The following COL6A5 variants were observed in gnomAD, a reference collection of about 807,000 sequenced individuals.
The protein encoded by COL6A5 is collagen type VI alpha 5 chain.
Under a neutral mutation model 65.6 loss-of-function variants are expected in COL6A5, and 48 were observed. That is an observed-to-expected ratio of 0.73 (90% confidence interval 0.58 to 0.93). COL6A5 has a LOEUF of 0.93. Among genes scored for constraint, COL6A5 ranks in the 40% least tolerant of loss-of-function variants. The pLI, the probability that COL6A5 is intolerant of heterozygous loss-of-function variation, is 0.00. For missense variants in COL6A5, 914 were observed against 928.3 expected, an observed-to-expected ratio of 0.98 and a Z score of 0.20; for synonymous variants, 291 against 322.8, an observed-to-expected ratio of 0.90 and a Z score of 1.05.
At chr3:130,368,063 C>T (rs1340802779) in intron 1 of COL6A5, among the ~76,000 whole-genome samples, 1 of 152,198 alleles carries the variant, frequency 6.6e-6, no homozygotes, top group Non-Finnish European at 1.5e-5. Flanking sequence ...CTCGCCACAC[C>T]TACTTCTTCC....
intron 15 of COL6A5, 30 bp downstream of exon 15, chr3:130,406,049 A>G: frequency 6.4e-7 from 1 of 1,550,804 alleles, no homozygotes; most frequent in Non-Finnish European, 8.7e-7. Context: ...GTTTAATTTG[A>G]TTTCCAAATG....
chr3:130,444,443 G>T (rs533649153), intron 4 of COL6A5, among the ~76,000 whole-genome samples: 65 of 152,126 alleles, frequency 4.3e-4, no homozygotes, highest in African/African-American at 1.3e-3. Context: ...CATGAGAAAT[G>T]ATAAAAGTAT....
chr3:130,385,229 G>A, exon 5 of COL6A5: 2 of 1,551,060 alleles, frequency 1.3e-6, no homozygotes, highest in Non-Finnish European at 1.7e-6. Flanking sequence ...TGTTCATGCA[G>A]TTGGCATTGG....
chr3:130,456,080 C>T (rs549960497), intron 5 of COL6A5, among the ~76,000 whole-genome samples: 7 of 151,992 alleles, frequency 4.6e-5, no homozygotes, highest in Admixed American at 6.6e-5. Context: ...CCGCAACCTC[C>T]GCCACCCGGG....
chr3:130,475,547 GA>G (rs34906654), intron 7 of COL6A5, among the ~76,000 whole-genome samples: 96,005 of 151,756 alleles, frequency 0.63, 33,306 homozygotes, highest in Non-Finnish European at 0.79. Flanking sequence ...CTGGAATAAA[GA>G]CAAAATAAAG....
At chr3:130,349,543 A>T (rs1934625438) in intron 1 of COL6A5, among the ~76,000 whole-genome samples, 1 of 152,222 alleles carries the variant, frequency 6.6e-6, no homozygotes, top group Non-Finnish European at 1.5e-5. Context: ...CAATCAGAAA[A>T]CACAAAAATT....
chr3:130,481,622 C>G (rs951149311), intron 7 of COL6A5, among the ~76,000 whole-genome samples: 3 of 152,186 alleles, frequency 2.0e-5, no homozygotes, highest in African/African-American at 7.2e-5. Flanking sequence ...AATCGCCGCA[C>G]TGTCTTCCAC....
exon 18 of COL6A5, chr3:130,409,380 G>A: frequency 6.5e-7 from 1 of 1,549,072 alleles, no homozygotes; most frequent in Non-Finnish European, 8.7e-7. Flanking sequence ...GGGCTTCCCA[G>A]GGGATCCGGT....
At chr3:130,392,652 C>T (rs1416348888) in intron 7 of COL6A5, among the ~76,000 whole-genome samples, 1 of 152,088 alleles carries the variant, frequency 6.6e-6, no homozygotes, top group Non-Finnish European at 1.5e-5. Flanking sequence ...ACAGGAAGCT[C>T]ACTTTTGTCA....
At chr3:130,376,568 GTT>G in exon 3 of COL6A5, 1 of 1,605,830 alleles carries the variant, frequency 6.2e-7, no homozygotes. Flanking sequence ...ACAGGAAACA[GTT>G]TCCCCCAATT....
chr3:130,396,227 T>C (rs1363685358), intron 8 of COL6A5, among the ~76,000 whole-genome samples: 1 of 152,184 alleles, frequency 6.6e-6, no homozygotes, highest in African/African-American at 2.4e-5. Context: ...ATGATAACAG[T>C]TTGTGGAATT....
exon 4 of COL6A5, chr3:130,379,508 A>G (rs1935912048): frequency 4.5e-6 from 7 of 1,551,406 alleles, no homozygotes; most frequent in Non-Finnish European, 2.6e-6. Flanking sequence ...AATTTAAGGC[A>G]TCTTCAGACC....
intron 24 of COL6A5, among the ~76,000 whole-genome samples, chr3:130,417,799 C>T (rs1281096203): frequency 6.6e-6 from 1 of 152,108 alleles, no homozygotes; most frequent in African/African-American, 2.4e-5. Flanking sequence ...GTTTAATGCT[C>T]TGCTGTCATG....
At chr3:130,469,929 A>C (rs1489766142) in intron 6 of COL6A5, among the ~76,000 whole-genome samples, 1 of 152,010 alleles carries the variant, frequency 6.6e-6, no homozygotes. Context: ...CCCCAGGGCT[A>C]TGCTGTTGTC....
At chr3:130,435,408 G>A (rs980111640) in intron 1 of COL6A5, among the ~76,000 whole-genome samples, 1 of 152,142 alleles carries the variant, frequency 6.6e-6, no homozygotes, top group Admixed American at 6.6e-5. Context: ...GCTTAGGATT[G>A]TCTTGGCTAT....
intron 4 of COL6A5, among the ~76,000 whole-genome samples, chr3:130,382,213 G>T (rs146107000): frequency 2.5e-3 from 378 of 151,964 alleles, no homozygotes; most frequent in Non-Finnish European, 3.4e-3. Flanking sequence ...TCCCAGGCAA[G>T]GAAAACAAAC....
At chr3:130,478,792 C>T (rs549750591) in intron 7 of COL6A5, among the ~76,000 whole-genome samples, 9 of 152,106 alleles carry the variant, frequency 5.9e-5, no homozygotes, top group South Asian at 2.1e-4. Context: ...CAAATCTTTT[C>T]GATCCTGTAC....
rs1478524850 is a variant in COL6A5 at position 130,356,886 on chromosome 3, A to C, written c.-29+10905A>C. Among the ~76,000 whole-genome samples the C allele has an allele frequency of 2.6e-5, 4 of 152,322 alleles. No homozygotes were observed. In the East Asian group the frequency reaches 7.7e-4, roughly 29 times the overall value. ...TGCGTTGCCTCAAAAAGCTCTTATT[A>C]CCACATAGGAAAGAATAGAAATGGA... is the stretch of plus-strand genomic sequence containing the variant. On this transcript the variant is annotated intron_variant and NMD_transcript_variant, in intron 1 of 41. Transcript: ENST00000312481.
At chr3:130,443,101 A>G (rs1709223819) in intron 3 of COL6A5, among the ~76,000 whole-genome samples, 1 of 152,198 alleles carries the variant, frequency 6.6e-6, no homozygotes, top group African/African-American at 2.4e-5. Flanking sequence ...ATGAAACATT[A>G]CCTTGTCTCT....
Sources: gnomAD v4.1 joint callset for allele counts (sites outside exome capture counted in the v4.1 genomes callset) on GRCh38, gnomAD v4.1.1 for gene constraint, MANE v1.5 for transcripts, NCBI Gene and HGNC (gene_info 2026-07-23, HGNC 2026-07-21) for gene names.